The following SUCLG2 variants were observed in gnomAD, a reference collection of about 807,000 sequenced individuals.
The protein encoded by SUCLG2 is succinate--CoA ligase [GDP-forming] subunit beta, mitochondrial.
A neutral mutation model predicts 47.9 loss-of-function variants in SUCLG2; 42 were observed. The observed-to-expected ratio is 0.88, with a 90% CI of 0.69 to 1.14. The LOEUF (loss-of-function observed/expected upper bound fraction) is 1.14, where lower values mean the gene tolerates loss of function less well. Among genes scored for constraint, SUCLG2 ranks in the 50% most tolerant of loss-of-function variants. The probability of loss-of-function intolerance (pLI) is 0.00; values close to 1 mark genes in which losing one functional copy is unlikely to be tolerated. For missense variants in SUCLG2, 571 were observed against 525.9 expected, an observed-to-expected ratio of 1.09 and a Z score of -0.84; for synonymous variants, 195 against 197.3, an observed-to-expected ratio of 0.99 and a Z score of 0.10.
At chr3:67,378,209 C>T (rs1191621905) in intron 10 of SUCLG2, among the ~76,000 whole-genome samples, 1 of 152,218 alleles carries the variant, frequency 6.6e-6, no homozygotes, top group East Asian at 1.9e-4. Context: ...ACTCTTGCCT[C>T]CTGGTAGTCA....
chr3:67,490,204 T>C (rs1023527641), intron 9 of SUCLG2, among the ~76,000 whole-genome samples: 3 of 152,200 alleles, frequency 2.0e-5, no homozygotes, highest in Admixed American at 1.3e-4. Flanking sequence ...GTTATACGCA[T>C]GTATCTGAAA....
intron 7 of SUCLG2, among the ~76,000 whole-genome samples, chr3:67,500,304 C>T (rs920117192): frequency 6.6e-5 from 10 of 152,162 alleles, no homozygotes; most frequent in African/African-American, 2.4e-4. Flanking sequence ...CCACAATATT[C>T]AAGCACTTTG....
At chr3:67,509,267 TGA>T (rs1705722763) in intron 6 of SUCLG2, among the ~76,000 whole-genome samples, 1 of 152,220 alleles carries the variant, frequency 6.6e-6, no homozygotes, top group South Asian at 2.1e-4. Context: ...AACATGATTT[TGA>T]GAGTTTATAA....
At chr3:67,495,155 T>C (rs1434638360) in intron 9 of SUCLG2, among the ~76,000 whole-genome samples, 3 of 152,152 alleles carry the variant, frequency 2.0e-5, no homozygotes, top group East Asian at 1.9e-4. Context: ...ATAGTACTCT[T>C]CCCTCTAAAT....
At chr3:67,518,485 C>A in intron 5 of SUCLG2, 149 bp from the exon 6 acceptor site, 2 of 631,738 alleles carry the variant, frequency 3.2e-6, no homozygotes, top group East Asian at 5.9e-5. Context: ...ACCGCAGATG[C>A]CTGTAGGGTA....
chr3:67,385,168 A>G (rs574701982), intron 10 of SUCLG2, among the ~76,000 whole-genome samples: 1 of 152,360 alleles, frequency 6.6e-6, no homozygotes, highest in East Asian at 1.9e-4. Context: ...GAGAGCACGC[A>G]GTGGTGTTCT....
At chr3:67,567,127 T>G (rs532430221) in intron 2 of SUCLG2, among the ~76,000 whole-genome samples, 1 of 151,482 alleles carries the variant, frequency 6.6e-6, no homozygotes, top group African/African-American at 2.4e-5. Flanking sequence ...GAAGTTGTAG[T>G]GCGCCAAGAT....
intron 9 of SUCLG2, among the ~76,000 whole-genome samples, chr3:67,444,163 A>G (rs371583860): frequency 0.58 from 14,573 of 25,004 alleles, 2,585 homozygotes; most frequent in African/African-American, 0.65. Flanking sequence ...GAGGTGGGGG[A>G]GTCAGCCCCC....
At chr3:67,384,861 T>G (rs957719978) in intron 10 of SUCLG2, among the ~76,000 whole-genome samples, 4 of 152,230 alleles carry the variant, frequency 2.6e-5, no homozygotes, top group African/African-American at 9.6e-5. Context: ...AGGCAGCCAC[T>G]GCCAATAAAG....
intron 10 of SUCLG2, among the ~76,000 whole-genome samples, chr3:67,397,140 C>T (rs1451823354): frequency 6.6e-6 from 1 of 151,758 alleles, no homozygotes; most frequent in African/African-American, 2.4e-5. Context: ...TCTCACCACT[C>T]CTATTCAACA....
intron 2 of SUCLG2, among the ~76,000 whole-genome samples, chr3:67,545,822 A>G (rs1706848486): frequency 6.6e-6 from 1 of 151,976 alleles, no homozygotes; most frequent in Non-Finnish European, 1.5e-5. Flanking sequence ...ATGTTTGACT[A>G]TATCTCAGAT....
At chr3:67,586,023 A>ATTATT (rs1325034075) in intron 2 of SUCLG2, among the ~76,000 whole-genome samples, 130 of 151,752 alleles carry the variant, frequency 8.6e-4, no homozygotes, top group African/African-American at 3.1e-3. Flanking sequence ...CTTTATTTCA[A>ATTATT]TTATTTTCCC....
chr3:67,401,854 TGAG>T (rs766723622), intron 9 of SUCLG2, among the ~76,000 whole-genome samples: 17 of 152,168 alleles, frequency 1.1e-4, no homozygotes, highest in Middle Eastern at 3.2e-3. Flanking sequence ...ACCAAACATA[TGAG>T]AAGAGAATAT....
intron 2 of SUCLG2, among the ~76,000 whole-genome samples, chr3:67,540,530 C>A (rs1046483667): frequency 6.6e-6 from 1 of 152,192 alleles, no homozygotes; most frequent in African/African-American, 2.4e-5. Context: ...TCTCTGAAAG[C>A]AAGGCAGCAG....
intron 1 of SUCLG2, among the ~76,000 whole-genome samples, chr3:67,618,376 G>A (rs1473027889): frequency 6.6e-6 from 1 of 152,042 alleles, no homozygotes; most frequent in African/African-American, 2.4e-5. Flanking sequence ...CCGAGATCTC[G>A]CCATTGCACT....
chr3:67,654,507 G>A lies in SUCLG2; in HGVS notation c.80C>T (p.Ser27Phe), dbSNP rs561122241. The change falls in exon 1 of 11, where the codon TCC (serine) becomes TTC (phenylalanine). Residue 27 changes from serine (S) to phenylalanine (F), a missense_variant. Transcript: ENST00000307227. ...AGCTCCTGCCCCCACGCTCACCTGG[G>A]ACCCGGCCGCCAGGAAGCGGGGCCG... is the stretch of plus-strand genomic sequence containing the variant. The part of the protein sequence containing the change: ...ALRPRFLAAG[S>F]QAVQLTSRRW... 9 of 1,240,486 alleles carry A rather than the reference G, an allele frequency of 7.3e-6. No homozygotes were observed. Among genetic ancestry groups the A allele is most frequent in the Middle Eastern group, 3.0e-4 (1 of 3,304 alleles). The allele number at this position is 1,240,486 out of a possible 1,614,324, so 76.8% of individuals were successfully genotyped here.
chr3:67,580,611 A>G (rs1474105680), intron 2 of SUCLG2, among the ~76,000 whole-genome samples: 1 of 152,232 alleles, frequency 6.6e-6, no homozygotes, highest in Non-Finnish European at 1.5e-5. Flanking sequence ...AGCCTGAGAC[A>G]ACAGGCAAAC....
intron 1 of SUCLG2, among the ~76,000 whole-genome samples, chr3:67,642,432 T>C (rs1024142103): frequency 6.6e-6 from 1 of 151,930 alleles, no homozygotes; most frequent in Non-Finnish European, 1.5e-5. Context: ...AAGCAAGACC[T>C]TGTCTCTACA....
At chr3:67,374,133 A>G (rs962135193), downstream of SUCLG2, among the ~76,000 whole-genome samples, 1 of 152,216 alleles carries the variant, frequency 6.6e-6, no homozygotes, top group Non-Finnish European at 1.5e-5. Context: ...TTACTGCACC[A>G]ACTAGTGATT....
Sources: allele counts gnomAD v4.1 joint callset (sites outside exome capture counted in the v4.1 genomes callset), GRCh38; gene constraint gnomAD v4.1.1; transcripts MANE v1.5; gene names NCBI Gene and HGNC (gene_info 2026-07-23, HGNC 2026-07-21).